Variants in NKIRAS1 observed in about 807,000 individuals in gnomAD.
The protein encoded by NKIRAS1 is NF-kappa-B inhibitor-interacting Ras-like protein 1.
In NKIRAS1, 16 loss-of-function variants were observed where a neutral mutation model predicts 19.8. The observed-to-expected ratio is 0.81, with a 90% confidence interval of 0.55 to 1.23. The LOEUF (loss-of-function observed/expected upper bound fraction) is 1.23, where lower values mean the gene tolerates loss of function less well. Among genes scored for constraint, NKIRAS1 ranks in the 50% most tolerant of loss-of-function variants. The pLI is 0.00. For missense variants in NKIRAS1, 184 were observed against 220.0 expected, an observed-to-expected ratio of 0.84 and a Z score of 1.04; for synonymous variants, 88 against 79.0, an observed-to-expected ratio of 1.11 and a Z score of -0.61.
At chr3:23,911,509 A>C (rs1703728023) in intron 1 of NKIRAS1, 59 bp from the exon 2 acceptor site, 1 of 152,698 alleles carries the variant, frequency 6.5e-6, no homozygotes, top group South Asian at 2.1e-4. Context: ...TTGTTTTCAA[A>C]AAGAATAAAT....
At chr3:23,941,417 C>T (rs1705494977) in intron 1 of NKIRAS1, among the ~76,000 whole-genome samples, 1 of 152,152 alleles carries the variant, frequency 6.6e-6, no homozygotes, top group African/African-American at 2.4e-5. Flanking sequence ...AATGAGGTAG[C>T]TTTCCTAGAA....
At chr3:23,901,241 C>T (rs1229637618) in intron 3 of NKIRAS1, among the ~76,000 whole-genome samples, 192 bp from the exon 4 acceptor site, 1 of 149,588 alleles carries the variant, frequency 6.7e-6, no homozygotes, top group South Asian at 2.1e-4. Context: ...TGCAGTGGCT[C>T]GATCTCAGCT....
chr3:23,896,711 C>T (rs889550616), intron 4 of NKIRAS1, among the ~76,000 whole-genome samples: 10 of 151,654 alleles, frequency 6.6e-5, no homozygotes, highest in African/African-American at 2.4e-4. Context: ...TGGTGGCTCA[C>T]ACCTGTAATC....
At chr3:23,916,381 A>C (rs1170379873) in intron 1 of NKIRAS1, 1 of 152,196 alleles carries the variant, frequency 6.6e-6, no homozygotes, top group East Asian at 1.9e-4. Flanking sequence ...CACACCTGCC[A>C]AACAGGTCTT....
intron 1 of NKIRAS1, among the ~76,000 whole-genome samples, chr3:23,943,708 C>T (rs1021776775): frequency 1.3e-5 from 2 of 152,156 alleles, no homozygotes; most frequent in Non-Finnish European, 2.9e-5. Flanking sequence ...AGCTACAAAG[C>T]GTGGCCTGGG....
At chr3:23,921,352 G>A (rs1705070654), upstream of NKIRAS1, among the ~76,000 whole-genome samples, 2 of 152,072 alleles carry the variant, frequency 1.3e-5, no homozygotes, top group African/African-American at 4.8e-5. Flanking sequence ...CCCACTTTAT[G>A]TGTGACCTCA....
intron 3 of NKIRAS1, among the ~76,000 whole-genome samples, chr3:23,908,082 T>C (rs996415384): frequency 1.3e-5 from 2 of 152,220 alleles, no homozygotes; most frequent in African/African-American, 2.4e-5. Context: ...TCCATCATCA[T>C]GAACTTGACA....
upstream of NKIRAS1, chr3:23,919,747 A>G (rs534653515): frequency 4.9e-5 from 63 of 1,281,866 alleles, 1 homozygote; most frequent in South Asian, 1.5e-3. Context: ...TATAAAACAT[A>G]CTGTGTGGTA....
intron 3 of NKIRAS1, among the ~76,000 whole-genome samples, chr3:23,909,681 T>A (rs1703448275): frequency 1.3e-5 from 2 of 152,338 alleles, no homozygotes; most frequent in South Asian, 4.1e-4. Flanking sequence ...TTCACCTCTG[T>A]AACCCAAGGC....
At chr3:23,897,970 A>G (rs1050512981) in intron 4 of NKIRAS1, among the ~76,000 whole-genome samples, 1 of 152,220 alleles carries the variant, frequency 6.6e-6, no homozygotes, top group African/African-American at 2.4e-5. Flanking sequence ...TTGAAGAAGC[A>G]TATGAGGAAG....
At chr3:23,899,546 C>T (rs867284177) in intron 4 of NKIRAS1, among the ~76,000 whole-genome samples, 7 of 151,940 alleles carry the variant, frequency 4.6e-5, no homozygotes, top group South Asian at 2.1e-4. Flanking sequence ...GAGTCCGCCA[C>T]GTGAAGATCT....
chr3:23,946,258 C>G (rs1705702922), intron 1 of NKIRAS1: 2 of 985,042 alleles, frequency 2.0e-6, no homozygotes, highest in South Asian at 4.7e-5. Context: ...CGCGAGGTGA[C>G]CCCAAGGCGC....
chr3:23,941,916 T>C (rs1251358847), intron 1 of NKIRAS1, among the ~76,000 whole-genome samples: 1 of 152,232 alleles, frequency 6.6e-6, no homozygotes, highest in Non-Finnish European at 1.5e-5. Context: ...ATTCTTCTTT[T>C]CAAATTTAAA....
At position 23,916,921 on chromosome 3, in the gene NKIRAS1, C is replaced by T. The variant is rs2125246414; in HGVS notation, c.-277G>A. Reference sequence around the variant, plus strand: ...CGCTTAGCCGCCGAGACCTCGCCGCCAACTCTCTCACCTCTCGAGACGCCC... The same window carrying T: ...CGCTTAGCCGCCGAGACCTCGCCGCTAACTCTCTCACCTCTCGAGACGCCC... On this transcript the variant is annotated 5_prime_UTR_variant, in exon 1 of 5. Transcript: ENST00000425478. The T allele has an allele frequency of 6.5e-6, 1 of 152,866 alleles. No homozygotes were observed. Among genetic ancestry groups the T allele is most frequent in the Non-Finnish European group, 1.5e-5 (1 of 68,092 alleles). 9.5% of individuals were successfully genotyped at this position (152,866 alleles called of 1,614,324 possible).
chr3:23,919,928 G>A (rs1704979146), upstream of NKIRAS1: 3 of 989,542 alleles, frequency 3.0e-6, 1 homozygote, highest in African/African-American at 3.5e-5. Flanking sequence ...TTTTTAAGTT[G>A]GGCTTTAGAA....
chr3:23,907,218 T>C (rs1703156661), intron 3 of NKIRAS1, among the ~76,000 whole-genome samples: 1 of 152,226 alleles, frequency 6.6e-6, no homozygotes, highest in Non-Finnish European at 1.5e-5. Context: ...TTAATAACAT[T>C]TTCTTATCTC....
chr3:23,940,486 A>G (rs949436273), intron 1 of NKIRAS1, among the ~76,000 whole-genome samples: 1 of 152,034 alleles, frequency 6.6e-6, no homozygotes, highest in African/African-American at 2.4e-5. Flanking sequence ...TGTGTGCTGG[A>G]GTTGTGTACT....
intron 1 of NKIRAS1, among the ~76,000 whole-genome samples, chr3:23,933,971 T>A (rs1350903250): frequency 6.6e-6 from 1 of 152,168 alleles, no homozygotes; most frequent in Non-Finnish European, 1.5e-5. Flanking sequence ...GTGGCTAATA[T>A]CATTCATGAG....
intron 3 of NKIRAS1, among the ~76,000 whole-genome samples, chr3:23,909,474 C>G (rs1377513024): frequency 6.6e-6 from 1 of 152,150 alleles, no homozygotes; most frequent in East Asian, 1.9e-4. Context: ...TTGCAGTGAG[C>G]CGAGATTGCA....
Sources: gnomAD v4.1 joint callset for allele counts (sites outside exome capture counted in the v4.1 genomes callset) on GRCh38, gnomAD v4.1.1 for gene constraint, MANE v1.5 for transcripts, NCBI Gene and HGNC (gene_info 2026-07-23, HGNC 2026-07-21) for gene names.